Variants in RORB observed in about 807,000 individuals in gnomAD.
The protein encoded by RORB is nuclear receptor ROR-beta.
In RORB, 6 loss-of-function variants were observed where a neutral mutation model predicts 59.1. The observed-to-expected ratio is 0.10, with a 90% CI of 0.06 to 0.20. The LOEUF is 0.20. Ranked by LOEUF, RORB falls within the 10% of genes least tolerant of loss-of-function variation. The probability of loss-of-function intolerance (pLI) is 1.00; values close to 1 mark genes in which losing one functional copy is unlikely to be tolerated. For missense variants in RORB, 320 were observed against 560.5 expected, an observed-to-expected ratio of 0.57 and a Z score of 4.33; for synonymous variants, 215 against 204.5, an observed-to-expected ratio of 1.05 and a Z score of -0.44.
At chr9:74,603,798 G>T (rs1423905209) in intron 1 of RORB, among the ~76,000 whole-genome samples, 3 of 152,186 alleles carry the variant, frequency 2.0e-5, no homozygotes, top group African/African-American at 7.2e-5. Context: ...ACATTGTAAA[G>T]TTGCTATTTT....
At chr9:74,509,898 C>T (rs1051049346) in intron 1 of RORB, among the ~76,000 whole-genome samples, 7 of 152,032 alleles carry the variant, frequency 4.6e-5, no homozygotes, top group Non-Finnish European at 1.0e-4. Flanking sequence ...TAAAGAAATG[C>T]GGAGTTCTGC....
intron 1 of RORB, among the ~76,000 whole-genome samples, chr9:74,573,215 A>T (rs1471499852): frequency 6.6e-6 from 1 of 152,124 alleles, no homozygotes; most frequent in African/African-American, 2.4e-5. Flanking sequence ...CATTTAATTA[A>T]CTGGCACATC....
intron 1 of RORB, among the ~76,000 whole-genome samples, chr9:74,551,496 C>T (rs923946791): frequency 5.3e-5 from 8 of 152,120 alleles, no homozygotes; most frequent in East Asian, 1.9e-4. Context: ...CGAGACAGAG[C>T]GGGATGACAA....
chr9:74,611,842 G>C (rs912004590), intron 1 of RORB, among the ~76,000 whole-genome samples: 4 of 152,086 alleles, frequency 2.6e-5, no homozygotes, highest in African/African-American at 4.8e-5. Context: ...TAGAGACAAT[G>C]TTTCACCATA....
intron 4 of RORB, among the ~76,000 whole-genome samples, chr9:74,653,459 A>T (rs1432554134): frequency 8.4e-5 from 12 of 142,664 alleles, no homozygotes; most frequent in Admixed American, 4.9e-4. Flanking sequence ...TTCCAACTTT[A>T]AAAAAAAAAA....
At chr9:74,635,072 T>G (rs1227420058) in intron 3 of RORB, among the ~76,000 whole-genome samples, 2 of 152,248 alleles carry the variant, frequency 1.3e-5, no homozygotes, top group Non-Finnish European at 2.9e-5. Flanking sequence ...TGCCTGCAAA[T>G]GAGGGATTTC....
rs372301019 is a variant in RORB at position 74,616,666 on chromosome 9, G to A, written c.8-13616G>A. 2.6e-5 allele frequency among the ~76,000 whole-genome samples: 4 copies of A among 152,094 alleles called. No homozygotes were observed. The East Asian group carries it at 5.8e-4, about 22-fold the overall frequency. ...AATTAATAACACTAGACATACTAAC[G>A]TCTATGTACTTAATCCTCTTTGGGT... On this transcript the variant is annotated intron_variant, in intron 1 of 9. Coordinates refer to ENST00000376896, the MANE Select transcript of RORB (RefSeq NM_006914.4).
chr9:74,593,363 G>A (rs1017439531), intron 1 of RORB, among the ~76,000 whole-genome samples: 1 of 151,512 alleles, frequency 6.6e-6, no homozygotes, highest in Non-Finnish European at 1.5e-5. Flanking sequence ...CTACTTGGGA[G>A]GCTGAGGAAT....
intron 1 of RORB, among the ~76,000 whole-genome samples, chr9:74,595,549 A>G (rs1587376236): frequency 6.6e-6 from 1 of 152,222 alleles, no homozygotes; most frequent in East Asian, 1.9e-4. Flanking sequence ...CATTAGATCG[A>G]TGAGGTGGAG....
Position 74,628,065 on chromosome 9 carries a change from T to C in RORB, c.8-2217T>C, listed in dbSNP as rs959784774. ...TATGAAGTTTGTCAGTTAAGCTTTATAAACTAGAAAGCATAAGATCAGATA... is the reference window on the plus strand; with the variant it reads ...TATGAAGTTTGTCAGTTAAGCTTTACAAACTAGAAAGCATAAGATCAGATA... On this transcript the variant is annotated intron_variant, in intron 1 of 9. Transcript: ENST00000376896. Among the ~76,000 whole-genome samples the C allele has an allele frequency of 5.3e-5, 8 of 152,160 alleles. No individual in the cohort carries two copies. In the South Asian group the frequency reaches 8.3e-4, roughly 16 times the overall value.
intron 9 of RORB, among the ~76,000 whole-genome samples, chr9:74,677,258 G>A (rs181626881): frequency 3.3e-5 from 5 of 152,250 alleles, no homozygotes; most frequent in East Asian, 1.9e-4. Context: ...AAAGGGAGGC[G>A]TTCCTTTCAT....
At chr9:74,502,620 CT>C (rs1230597818) in intron 1 of RORB, among the ~76,000 whole-genome samples, 3 of 151,962 alleles carry the variant, frequency 2.0e-5, no homozygotes, top group African/African-American at 4.8e-5. Flanking sequence ...AATATTATAA[CT>C]TTAAAAATTA....
intron 1 of RORB, among the ~76,000 whole-genome samples, chr9:74,580,300 T>A (rs935897595): frequency 6.6e-6 from 1 of 152,140 alleles, no homozygotes; most frequent in African/African-American, 2.4e-5. Flanking sequence ...ACACAGAGAA[T>A]CTCCAAAATA....
chr9:74,562,682 A>G (rs888924881), intron 1 of RORB, among the ~76,000 whole-genome samples: 1 of 152,216 alleles, frequency 6.6e-6, no homozygotes, highest in Non-Finnish European at 1.5e-5. Flanking sequence ...ACATCAGTCA[A>G]CATGGACACT....
chr9:74,516,303 C>CA (rs1480655211), intron 1 of RORB, among the ~76,000 whole-genome samples: 4 of 151,792 alleles, frequency 2.6e-5, no homozygotes, highest in Non-Finnish European at 5.9e-5. Context: ...TTGTCACACA[C>CA]AAAAAAGTGA....
chr9:74,683,603 C>G (rs1047953599), intron 9 of RORB, among the ~76,000 whole-genome samples: 1 of 152,152 alleles, frequency 6.6e-6, no homozygotes, highest in Non-Finnish European at 1.5e-5. Context: ...AGCATCTTTG[C>G]ACATGATCCT....
intron 1 of RORB, among the ~76,000 whole-genome samples, chr9:74,539,333 C>A (rs1826369269): frequency 6.6e-6 from 1 of 152,080 alleles, no homozygotes; most frequent in African/African-American, 2.4e-5. Context: ...CTTTATAACA[C>A]CCCTTGAAAT....
chr9:74,682,479 G>A (rs1014079895), intron 9 of RORB, among the ~76,000 whole-genome samples: 3 of 151,448 alleles, frequency 2.0e-5, no homozygotes, highest in Admixed American at 1.3e-4. Context: ...TGACTTGTCC[G>A]AGATCACATA....
chr9:74,664,911 C>G (rs1316411173), intron 6 of RORB, among the ~76,000 whole-genome samples: 2 of 152,118 alleles, frequency 1.3e-5, no homozygotes, highest in African/African-American at 4.8e-5. Flanking sequence ...TAATAATGCT[C>G]AAAGGGAAAA....
Sources: allele counts gnomAD v4.1 joint callset (sites outside exome capture counted in the v4.1 genomes callset), GRCh38; gene constraint gnomAD v4.1.1; transcripts MANE v1.5; gene names NCBI Gene and HGNC (gene_info 2026-07-23, HGNC 2026-07-21).